KLHL29: variants seen among roughly 807,000 people sequenced by gnomAD.
KLHL29 encodes kelch-like protein 29.
In KLHL29, 21 loss-of-function variants were observed where a neutral mutation model predicts 80.4. That is an observed-to-expected ratio of 0.26 (90% CI 0.19 to 0.38). The LOEUF (loss-of-function observed/expected upper bound fraction) is 0.38. Among genes scored for constraint, KLHL29 ranks in the 10% least tolerant of loss-of-function variants. KLHL29 has a pLI of 1.00. For synonymous variants in KLHL29, 511 were observed against 526.8 expected, an observed-to-expected ratio of 0.97 and a Z score of 0.41; for missense variants, 867 against 1,223.9, an observed-to-expected ratio of 0.71 and a Z score of 4.35.
intron 3 of KLHL29, among the ~76,000 whole-genome samples, chr2:23,593,004 G>A (rs926524802): frequency 6.6e-6 from 1 of 152,172 alleles, no homozygotes; most frequent in African/African-American, 2.4e-5. Context: ...CTCGAGTGCT[G>A]TGGTTTGTGT....
At position 23,693,421 on chromosome 2, in the gene KLHL29, G is replaced by C. The variant is rs1671747942; in HGVS notation, c.1435G>C (p.Asp479His). 1 of 1,551,714 alleles carries C rather than the reference G, an allele frequency of 6.4e-7. No individual in the cohort carries two copies. ...GGAGATCCTCAGCATCTCCAAGGAC[G>C]ACTTCATCGCCTACGTCTCCAACGA... ...QEEILSISKDDFIAYVSNDSL... is the reference protein window; with the variant it reads ...QEEILSISKDHFIAYVSNDSL... Residue 479 changes from aspartate (D) to histidine (H), a missense_variant, in exon 8 of 14, where the codon GAC (aspartate) becomes CAC (histidine). Transcript: ENST00000486442.
At chr2:23,387,504 T>TTA (rs747568490) in intron 1 of KLHL29, among the ~76,000 whole-genome samples, 16 of 117,680 alleles carry the variant, frequency 1.4e-4, no homozygotes, top group African/African-American at 4.6e-4. Context: ...TCATTCCTGA[T>TTA]TTATTATTAT....
rs967848356 is a variant in KLHL29, at chr2:23,562,547, G to A, written c.285+66G>A. On this transcript the variant is annotated intron_variant, in intron 3 of 13. Transcript: ENST00000486442. This position sits in a 1 kb window ranked among gnomAD's most constrained non-coding sequence, Gnocchi z 4.5. ...GGGCCCTGCCTCCCTGCAGGCTCAG[G>A]CCAGCCCCACAGGCTCCTGTGGGGC... 1.3e-5 allele frequency: 19 copies of A among 1,496,118 alleles called. No individual in the cohort carries two copies. Among genetic ancestry groups the A allele is most frequent in the Non-Finnish European group, 1.6e-5 (18 of 1,120,466 alleles). The allele number at this position is 1,496,118 out of a possible 1,614,324, so 92.7% of individuals were successfully genotyped here.
chr2:23,598,876 T>C (rs896337721), intron 3 of KLHL29, among the ~76,000 whole-genome samples: 2 of 152,114 alleles, frequency 1.3e-5, no homozygotes, highest in African/African-American at 4.8e-5. Flanking sequence ...CCCCAAGTCA[T>C]AGGGGTGGCC....
intron 2 of KLHL29, among the ~76,000 whole-genome samples, chr2:23,538,380 C>G (rs1445824638): frequency 6.6e-6 from 1 of 152,218 alleles, no homozygotes; most frequent in Non-Finnish European, 1.5e-5. Flanking sequence ...CTAATTCTCC[C>G]TCCTATCTGT....
intron 2 of KLHL29, among the ~76,000 whole-genome samples, chr2:23,518,682 C>T (rs535520068): frequency 3.9e-5 from 6 of 152,284 alleles, no homozygotes; most frequent in South Asian, 2.1e-4. Context: ...CAGCAAGCAC[C>T]GCATGTGCTT....
intron 2 of KLHL29, among the ~76,000 whole-genome samples, chr2:23,541,488 C>G (rs552554421): frequency 1.3e-5 from 2 of 152,252 alleles, no homozygotes; most frequent in African/African-American, 4.8e-5. Flanking sequence ...TCAGCCAAAT[C>G]CATCTCTGCC....
intron 3 of KLHL29, among the ~76,000 whole-genome samples, chr2:23,563,805 G>A (rs540242572): frequency 5.3e-5 from 8 of 152,304 alleles, no homozygotes; most frequent in Admixed American, 5.2e-4. Flanking sequence ...GTGCCTTATT[G>A]ATTTTATTTT....
At chr2:23,553,057 GC>G (rs1667169978) in intron 2 of KLHL29, among the ~76,000 whole-genome samples, 1 of 152,138 alleles carries the variant, frequency 6.6e-6, no homozygotes, top group Non-Finnish European at 1.5e-5. Flanking sequence ...ACCACTCCCG[GC>G]CACGGCTCTG....
intron 3 of KLHL29, 90 bp from the exon 4 acceptor site, chr2:23,639,049 G>A: frequency 7.6e-7 from 1 of 1,309,326 alleles, no homozygotes; most frequent in Non-Finnish European, 1.0e-6. Context: ...CTGGAGTCTT[G>A]TTTTGGAGGC....
chr2:23,603,855 G>A (rs1010646899), intron 3 of KLHL29, among the ~76,000 whole-genome samples: 2 of 152,238 alleles, frequency 1.3e-5, no homozygotes, highest in African/African-American at 2.4e-5. Flanking sequence ...TTCAGTGCAG[G>A]AACAGCTCTT....
At chr2:23,524,041 C>T (rs1275178451) in intron 2 of KLHL29, 3 of 471,562 alleles carry the variant, frequency 6.4e-6, no homozygotes, top group South Asian at 1.5e-5. Flanking sequence ...TTTTTACCAG[C>T]ATGCCTTCCT....
At chr2:23,451,312 G>GTGTGCCT (rs1373733643) in intron 1 of KLHL29, among the ~76,000 whole-genome samples, 1 of 152,174 alleles carries the variant, frequency 6.6e-6, no homozygotes, top group East Asian at 1.9e-4. Context: ...GAACACAGTA[G>GTGTGCCT]GGACCCAGGG....
chr2:23,446,204 G>A (rs1162295821), intron 1 of KLHL29, among the ~76,000 whole-genome samples: 2 of 144,086 alleles, frequency 1.4e-5, no homozygotes, highest in Non-Finnish European at 3.0e-5. Context: ...TGCATTTGGA[G>A]TTTTTTTTTT....
intron 2 of KLHL29, among the ~76,000 whole-genome samples, chr2:23,536,918 A>ACACACACTCTCACTCTCT (rs143009876): frequency 7.1e-6 from 1 of 140,650 alleles, no homozygotes; most frequent in African/African-American, 2.7e-5. Flanking sequence ...ACACACACAC[A>ACACACACTCTCACTCTCT]CTCTCTCTCT....
intron 2 of KLHL29, among the ~76,000 whole-genome samples, chr2:23,508,805 C>T (rs1665684538): frequency 6.6e-6 from 1 of 152,188 alleles, no homozygotes; most frequent in South Asian, 2.1e-4. Flanking sequence ...AACATCTATC[C>T]CTGATTGCAG....
chr2:23,520,996 C>CG (rs201686544), intron 2 of KLHL29, among the ~76,000 whole-genome samples: 10 of 151,380 alleles, frequency 6.6e-5, no homozygotes, highest in African/African-American at 9.8e-5. Flanking sequence ...AAGACCACCC[C>CG]CCCCCCCGCT....
chr2:23,532,676 C>T (rs1666534054), intron 2 of KLHL29: 2 of 456,248 alleles, frequency 4.4e-6, no homozygotes. Context: ...TCACTAGAGG[C>T]CTGTGGTTTG....
intron 2 of KLHL29, among the ~76,000 whole-genome samples, chr2:23,515,330 C>T (rs547703677): frequency 9.0e-4 from 137 of 152,278 alleles, no homozygotes; most frequent in Middle Eastern, 3.4e-3. Flanking sequence ...TGCTCATTTA[C>T]TCCAAGTCCC....
Sources: gnomAD v4.1 joint callset for allele counts (sites outside exome capture counted in the v4.1 genomes callset) on GRCh38, gnomAD v4.1.1 for gene constraint, Gnocchi (gnomAD v3.1) non-coding constraint, MANE v1.5 for transcripts, NCBI Gene and HGNC (gene_info 2026-07-23, HGNC 2026-07-21) for gene names.